DHCR24: variants seen among roughly 807,000 people sequenced by gnomAD.
DHCR24 encodes delta(24)-sterol reductase.
A neutral mutation model predicts 61.2 loss-of-function variants in DHCR24; 28 were observed. The observed-to-expected ratio is 0.46, with a 90% CI of 0.34 to 0.63. The LOEUF is 0.63. Among genes scored for constraint, DHCR24 ranks in the 20% least tolerant of loss-of-function variants. The probability of loss-of-function intolerance (pLI) is 0.01; values close to 1 mark genes in which losing one functional copy is unlikely to be tolerated. For missense variants in DHCR24, 538 were observed against 679.1 expected (o/e 0.79, Z 2.31); for synonymous variants, 261 against 275.9 (o/e 0.95, Z 0.54).
intron 6 of DHCR24, among the ~76,000 whole-genome samples, chr1:54,860,094 C>G (rs1033742173): frequency 2.6e-5 from 4 of 152,206 alleles, no homozygotes; most frequent in African/African-American, 9.7e-5. Flanking sequence ...CCCCTACCAC[C>G]GCCCAATCAC....
chr1:54,861,768 C>A (rs1192732415), intron 6 of DHCR24, among the ~76,000 whole-genome samples: 2 of 152,200 alleles, frequency 1.3e-5, no homozygotes, highest in East Asian at 3.8e-4. Context: ...GAGTGTGAAT[C>A]CCTGGTAGGC....
At chr1:54,871,153 G>T (rs1014288308) in intron 5 of DHCR24, among the ~76,000 whole-genome samples, 197 bp downstream of exon 5, 2 of 152,216 alleles carry the variant, frequency 1.3e-5, no homozygotes, top group East Asian at 3.9e-4. Flanking sequence ...AGGTGGTAGG[G>T]GCAGAGTAGA....
chr1:54,862,952 T>C (rs1296754239), intron 6 of DHCR24, among the ~76,000 whole-genome samples: 1 of 151,640 alleles, frequency 6.6e-6, no homozygotes, highest in Non-Finnish European at 1.5e-5. Flanking sequence ...GGTGGGCGCC[T>C]ATAGTCCCAG....
chr1:54,865,854 C>A (rs1646965577), intron 5 of DHCR24, among the ~76,000 whole-genome samples: 2 of 152,074 alleles, frequency 1.3e-5, no homozygotes, highest in African/African-American at 4.8e-5. Flanking sequence ...AATGGGTCAG[C>A]CCCTCAGTGC....
In DHCR24 at chr1:54,875,283, G is replaced by C. The variant is rs2075389; in HGVS notation, c.494-72C>G. 9,637 of 1,385,678 alleles carry C rather than the reference G, an allele frequency of 7.0e-3. 561 individuals are homozygous for C. In the East Asian group the frequency reaches 0.14, roughly 21 times the overall value. 85.8% of individuals were successfully genotyped at this position (1,385,678 alleles called of 1,614,324 possible). Reference sequence around the variant, plus strand: ...AGGGTTGGGGGTGGGTTGGAGCTGGGGGGCCTCCTAGCATGAGGGAGGTTT... The same window carrying C: ...AGGGTTGGGGGTGGGTTGGAGCTGGCGGGCCTCCTAGCATGAGGGAGGTTT... On this transcript the variant is annotated intron_variant, in intron 3 of 8. Coordinates refer to ENST00000371269, the MANE Select transcript of DHCR24 (RefSeq NM_014762.4).
intron 5 of DHCR24, among the ~76,000 whole-genome samples, chr1:54,870,361 A>G (rs1400751701): frequency 3.3e-5 from 5 of 152,232 alleles, no homozygotes; most frequent in Non-Finnish European, 7.3e-5. Flanking sequence ...GCATTGTTAC[A>G]TTACTTTTAT....
chr1:54,870,176 C>T lies in DHCR24; in HGVS notation c.876+1174G>A, dbSNP rs541503467. ...GTTCAAGGCTACAGTGAGCTGTGAT[C>T]GTACCACTGTACTCCAGTCTGGGCT... On this transcript the variant is annotated intron_variant, in intron 5 of 8. Coordinates refer to ENST00000371269, the MANE Select transcript of DHCR24 (RefSeq NM_014762.4). Among the ~76,000 whole-genome samples the T allele has an allele frequency of 1.4e-4, 21 of 151,326 alleles. No homozygotes were observed. In the South Asian group the frequency reaches 3.7e-3, roughly 27 times the overall value.
At chr1:54,876,315 C>T (rs1414099213) in intron 2 of DHCR24, among the ~76,000 whole-genome samples, 1 of 152,168 alleles carries the variant, frequency 6.6e-6, no homozygotes, top group African/African-American at 2.4e-5. Flanking sequence ...AGGAGAAATA[C>T]TCATTCACTT....
At chr1:54,882,981 T>TA (rs951124090) in intron 2 of DHCR24, among the ~76,000 whole-genome samples, 5 of 151,758 alleles carry the variant, frequency 3.3e-5, no homozygotes, top group Admixed American at 2.0e-4. Flanking sequence ...ATAAAGCTAT[T>TA]AAAAAAAATG....
At position 54,877,777 on chromosome 1, in the gene DHCR24, G is replaced by A. The variant is rs550088094; in HGVS notation, c.388-1730C>T. Among the ~76,000 whole-genome samples, 5 of 151,806 alleles carry A rather than the reference G, an allele frequency of 3.3e-5. No homozygotes were observed. The East Asian group carries it at 9.8e-4, about 30-fold the overall frequency. ...TGTAATCTCAGCACTTTGGGAGACCGAGGTGGGTGGATCACCTGAGGTCAG... is the reference window on the plus strand; with the variant it reads ...TGTAATCTCAGCACTTTGGGAGACCAAGGTGGGTGGATCACCTGAGGTCAG... On this transcript the variant is annotated intron_variant, in intron 2 of 8. Coordinates refer to ENST00000371269, the MANE Select transcript of DHCR24 (RefSeq NM_014762.4).
chr1:54,886,261 G>C (rs998338306), intron 1 of DHCR24, among the ~76,000 whole-genome samples: 28 of 152,294 alleles, frequency 1.8e-4, no homozygotes, highest in East Asian at 7.7e-4. Flanking sequence ...CTTTGTCAAG[G>C]AGTGAGCCCT....
chr1:54,887,059 T>G lies in DHCR24; in HGVS notation c.61A>C (p.Lys21Gln). Residue 21 changes from lysine to glutamine, a missense_variant, in exon 1 of 9, where the codon AAG (lysine) becomes CAG (glutamine). Physicochemically the swap from Lys to Gln is moderately conservative, Grantham distance 53. Transcript: ENST00000371269. ...TGGATGAGCACGAACTCCAGCCCCTTCAGGCGCACCCACAGCAGGAAGAGC... is the reference window on the plus strand; with the variant it reads ...TGGATGAGCACGAACTCCAGCCCCTGCAGGCGCACCCACAGCAGGAAGAGC... ...ALLFLLWVRL[K>Q]GLEFVLIHQR... The G allele has an allele frequency of 6.2e-7, 1 of 1,611,724 alleles. No individual in the cohort carries two copies. Among genetic ancestry groups the G allele is most frequent in the South Asian group, 1.1e-5 (1 of 90,688 alleles).
rs1337829558 is a variant in DHCR24 at position 54,871,396 on chromosome 1, G to A, written c.830C>T (p.Ala277Val). 6.2e-7 allele frequency: 1 copy of A among 1,614,156 alleles called. No individual in the cohort carries two copies. Among genetic ancestry groups the A allele is most frequent in the South Asian group, 1.1e-5 (1 of 91,080 alleles). Reference sequence around the variant, plus strand: ...TGTCATGACCCCTGTCATAATGACAGCCTCATCCAGGGAGTAGAGCAGCCC... The same window carrying A: ...TGTCATGACCCCTGTCATAATGACAACCTCATCCAGGGAGTAGAGCAGCCC... ...VEGLLYSLDE[A>V]VIMTGVMTDE... is the part of the protein sequence containing the mutation. The change falls in exon 5 of 9, where the codon GCT (alanine) becomes GTT (valine). Residue 277 changes from alanine (A) to valine (V), a missense_variant. Coordinates refer to ENST00000371269, the MANE Select transcript of DHCR24 (RefSeq NM_014762.4).
chr1:54,852,221 G>A lies in DHCR24; in HGVS notation c.*12C>T, dbSNP rs777007771. 9.9e-6 allele frequency: 16 copies of A among 1,614,136 alleles called. No homozygotes were observed. In the East Asian group the frequency reaches 3.6e-4, roughly 36 times the overall value. The stretch of plus-strand genomic sequence containing the variant: ...CACTCACACGTGTCTGTCTCTCCAG[G>A]CGGGCTCCAGCTCAGTGCCTGGCGG... On this transcript the variant is annotated 3_prime_UTR_variant, in exon 9 of 9. Transcript: ENST00000371269.
chr1:54,853,293 G>T (rs1359739182), intron 8 of DHCR24, 141 bp downstream of exon 8: 2 of 1,079,236 alleles, frequency 1.9e-6, no homozygotes, highest in Non-Finnish European at 2.8e-6. Flanking sequence ...TGACCCAGAG[G>T]CTGCCACAGC....
Position 54,852,353 on chromosome 1 carries a change from G to A in DHCR24, c.1431C>T (p.Asn477=), listed in dbSNP as rs1453549055. The A allele has an allele frequency of 3.1e-6, 5 of 1,614,150 alleles. No homozygotes were observed. The East Asian group carries it at 8.9e-5, about 29-fold the overall frequency. Residue 477 remains asparagine, a synonymous_variant, in exon 9 of 9, where the codon AAC becomes AAT. Coordinates refer to ENST00000371269, the MANE Select transcript of DHCR24 (RefSeq NM_014762.4). ...CAAACATCTCCCAGAACTCCTCCCG[G>A]TTCATGTAGCAGTCGGCATACAGCA... The part of the protein sequence containing the change: ...FQMLYADCYM[N]REEFWEMFDG...
intron 2 of DHCR24, among the ~76,000 whole-genome samples, chr1:54,879,322 G>GAAAAAAAAAA (rs58945175): frequency 9.2e-6 from 1 of 108,536 alleles, no homozygotes; most frequent in Non-Finnish European, 1.8e-5. Context: ...GACTCCATCT[G>GAAAAAAAAAA]AAAAAAAAAA....
Position 54,887,169 on chromosome 1 carries a change from C to G in DHCR24, c.-50G>C, listed in dbSNP as rs775581494. 2 of 1,462,014 alleles carry G rather than the reference C, an allele frequency of 1.4e-6. No individual in the cohort carries two copies. Among genetic ancestry groups the G allele is most frequent in the Non-Finnish European group, 9.3e-7 (1 of 1,080,652 alleles). 90.6% of individuals were successfully genotyped at this position (1,462,014 alleles called of 1,614,324 possible). ...TGCGGGTTCGCGCCTCCTGTCACTG[C>G]CGCCAGCTCCGCGCCTGGCCCGCTC... On this transcript the variant is annotated 5_prime_UTR_variant, in exon 1 of 9. Transcript: ENST00000371269.
chr1:54,853,569 G>A lies in DHCR24; in HGVS notation c.1262C>T (p.Pro421Leu), dbSNP rs750415577. 4.3e-6 allele frequency: 7 copies of A among 1,614,082 alleles called. No homozygotes were observed. In the Admixed American group the frequency reaches 1.0e-4, roughly 23 times the overall value. The stretch of plus-strand genomic sequence containing the variant: ...ATTTCCTTTGGGGTGCACTAGGCCT[G>A]GCTGGCTGGGCAGGATGAACGGACA... The part of the protein sequence containing the change: ...WLCPFILPSQ[P>L]GLVHPKGNEA... Residue 421 changes from proline to leucine, a missense_variant, in exon 8 of 9, where the codon CCA becomes CTA. Physicochemically the swap from Pro to Leu is moderately conservative, Grantham distance 98. Coordinates refer to ENST00000371269, the MANE Select transcript of DHCR24 (RefSeq NM_014762.4).
Sources: gnomAD v4.1 joint callset for allele counts (sites outside exome capture counted in the v4.1 genomes callset) on GRCh38, gnomAD v4.1.1 for gene constraint, MANE v1.5 for transcripts, NCBI Gene and HGNC (gene_info 2026-07-23, HGNC 2026-07-21) for gene names.